ROCK1: variants seen among roughly 807,000 people sequenced by gnomAD.
The protein encoded by ROCK1 is rho-associated protein kinase 1.
ROCK1 carries 36 observed loss-of-function variants against 196.8 expected under a neutral mutation model. That is an observed-to-expected ratio of 0.18 (90% CI 0.14 to 0.24). The LOEUF (loss-of-function observed/expected upper bound fraction) is 0.24. Among genes scored for constraint, ROCK1 ranks in the 10% least tolerant of loss-of-function variants. The pLI, the probability that ROCK1 is intolerant of heterozygous loss-of-function variation, is 1.00. For missense variants in ROCK1, 920 were observed against 1,562.0 expected (o/e 0.59, Z 6.93); for synonymous variants, 443 against 515.9 (o/e 0.86, Z 1.91).
chr18:20,979,147 T>C (rs1328842299), intron 22 of ROCK1, among the ~76,000 whole-genome samples: 1 of 152,152 alleles, frequency 6.6e-6, no homozygotes. Context: ...CAGGCTGGTC[T>C]TGAACTCTTG....
intron 9 of ROCK1, among the ~76,000 whole-genome samples, chr18:21,038,004 T>A (rs2036071966): frequency 6.6e-6 from 1 of 152,166 alleles, no homozygotes; most frequent in Non-Finnish European, 1.5e-5. Flanking sequence ...ATTTATGCAT[T>A]GCTTAACTTT....
chr18:21,057,808 G>A (rs1428794752), intron 2 of ROCK1, among the ~76,000 whole-genome samples: 2 of 152,074 alleles, frequency 1.3e-5, no homozygotes, highest in African/African-American at 2.4e-5. Flanking sequence ...GTGACTGACC[G>A]AGACTCTGTA....
rs576693277 is a variant in ROCK1, at chr18:21,096,293, C to T, written c.93+14525G>A. On this transcript the variant is annotated intron_variant, in intron 1 of 32. Coordinates refer to ENST00000399799, the MANE Select transcript of ROCK1 (RefSeq NM_005406.3). ...TGGCTCACTGCAACCTCTGCCCCCC[C>T]GGGTTCAAGCAATTCTCCTGTCTCA... Among the ~76,000 whole-genome samples, 502 of 152,202 alleles carry T rather than the reference C, an allele frequency of 3.3e-3. 1 individual carries two copies. The highest frequency in any genetic ancestry group is 4.6e-3 in the Non-Finnish European group (311 of 68,002).
intron 2 of ROCK1, among the ~76,000 whole-genome samples, chr18:21,059,795 T>A (rs1014700328): frequency 6.6e-6 from 1 of 152,256 alleles, no homozygotes; most frequent in African/African-American, 2.4e-5. Context: ...CAAATGTCCA[T>A]CAGCTGATAA....
chr18:21,095,259 G>A (rs1273490168), intron 1 of ROCK1, among the ~76,000 whole-genome samples: 8 of 151,636 alleles, frequency 5.3e-5, no homozygotes, highest in South Asian at 2.1e-4. Flanking sequence ...CAATGTTAAC[G>A]GGAATGTAAA....
intron 4 of ROCK1, among the ~76,000 whole-genome samples, chr18:21,046,411 AG>A (rs999029064): frequency 4.7e-4 from 71 of 152,210 alleles, no homozygotes; most frequent in African/African-American, 1.7e-3. Context: ...TAATCCATAA[AG>A]TAACAGTGCA....
chr18:20,976,122 G>A (rs1295603178), intron 22 of ROCK1, among the ~76,000 whole-genome samples: 1 of 151,548 alleles, frequency 6.6e-6, no homozygotes, highest in Non-Finnish European at 1.5e-5. Context: ...CTACCTGAGA[G>A]GACCAAATGA....
Position 21,042,726 on chromosome 18 carries a change from G to A in ROCK1, c.676-17C>T, listed in dbSNP as rs200888781. ...CATGCCTTCCTAAAAAGCGCGGCAG[G>A]TCAAATTTTGAATTAGGATATAAAG... On this transcript the variant is annotated splice_polypyrimidine_tract_variant and intron_variant, in intron 6 of 32. Transcript: ENST00000399799. The A allele has an allele frequency of 3.2e-6, 5 of 1,574,940 alleles. No individual in the cohort carries two copies. The Admixed American group carries it at 9.3e-5, about 29-fold the overall frequency.
chr18:21,078,207 T>C (rs1168840670), intron 1 of ROCK1, among the ~76,000 whole-genome samples: 2 of 152,108 alleles, frequency 1.3e-5, no homozygotes, highest in African/African-American at 2.4e-5. Context: ...CGTGCGCCTG[T>C]GGTCCCAACC....
In ROCK1 at chr18:20,954,793, A is replaced by G; in HGVS notation, c.3843T>C (p.Cys1281=). 6.2e-7 allele frequency: 1 copy of G among 1,605,344 alleles called. No homozygotes were observed. Among genetic ancestry groups the G allele is most frequent in the Non-Finnish European group, 8.5e-7 (1 of 1,176,800 alleles). The stretch of plus-strand genomic sequence containing the variant: ...ATTACCATGCCTTACCTTTACATGG[A>G]CAAATTAAGTCCTCTTTCTTATCTA... ...DHLDKKEDLI[C]PCKVSYDVTS... Residue 1281 remains cysteine, a synonymous_variant, in exon 31 of 33, where the codon TGT becomes TGC. Coordinates refer to ENST00000399799, the MANE Select transcript of ROCK1 (RefSeq NM_005406.3).
intron 32 of ROCK1, among the ~76,000 whole-genome samples, chr18:20,952,326 G>A (rs1278406657): frequency 6.6e-6 from 1 of 152,106 alleles, no homozygotes; most frequent in African/African-American, 2.4e-5. Context: ...AGGTTGCAGT[G>A]AGCTGAGATT....
chr18:21,077,829 T>C (rs978499188), intron 1 of ROCK1, among the ~76,000 whole-genome samples: 2 of 152,152 alleles, frequency 1.3e-5, no homozygotes, highest in African/African-American at 4.8e-5. Flanking sequence ...GAGAGGTGGT[T>C]CTCTTTTTGT....
rs2035516059 is a variant in ROCK1 at position 20,979,999 on chromosome 18, A to T, written c.2565T>A (p.Leu855=). 2 of 1,548,576 alleles carry T rather than the reference A, an allele frequency of 1.3e-6. No homozygotes were observed. Among genetic ancestry groups the T allele is most frequent in the Non-Finnish European group, 1.7e-6 (2 of 1,147,346 alleles). Residue 855 remains leucine (L), a synonymous_variant, in exon 22 of 33, where the codon CTT becomes CTA. Transcript: ENST00000399799. The part of the protein sequence containing the change: ...QLEAEQYFST[L]YKTQVKELKE... ...TAAGTTCCTTTACCTGGGTTTTATAAAGTGTCTGCAAAACAAGTGACAAGG... is the reference window on the plus strand; with the variant it reads ...TAAGTTCCTTTACCTGGGTTTTATATAGTGTCTGCAAAACAAGTGACAAGG...
At chr18:21,044,013 C>T in intron 6 of ROCK1, 89 bp downstream of exon 6, 3 of 769,696 alleles carry the variant, frequency 3.9e-6, no homozygotes, top group East Asian at 5.1e-5. Flanking sequence ...TAAATTCTTA[C>T]ACCATTTTCT....
chr18:20,994,790 C>T (rs1353029760), intron 16 of ROCK1, among the ~76,000 whole-genome samples: 5 of 151,778 alleles, frequency 3.3e-5, no homozygotes, highest in African/African-American at 9.7e-5. Flanking sequence ...AAAGAAATGT[C>T]GGAAATAAAC....
intron 2 of ROCK1, among the ~76,000 whole-genome samples, chr18:21,057,883 C>T (rs1346930443): frequency 1.3e-5 from 2 of 152,064 alleles, no homozygotes. Flanking sequence ...GTAAATTTTA[C>T]TTCTAGGAAT....
intron 1 of ROCK1, among the ~76,000 whole-genome samples, chr18:21,079,376 CAACAT>C: frequency 6.6e-6 from 1 of 152,242 alleles, no homozygotes; most frequent in Admixed American, 6.5e-5. Flanking sequence ...AACTTAGCAG[CAACAT>C]AACATCCCTC....
chr18:20,959,809 C>G (rs765583067), intron 29 of ROCK1, 31 bp downstream of exon 29: 3 of 1,187,500 alleles, frequency 2.5e-6, no homozygotes, highest in South Asian at 1.5e-5. Context: ...TAGCTCTCAA[C>G]CCCTTTAAAA....
chr18:21,038,818 A>C (rs1484937537), intron 9 of ROCK1, among the ~76,000 whole-genome samples: 1 of 152,232 alleles, frequency 6.6e-6, no homozygotes, highest in Non-Finnish European at 1.5e-5. Flanking sequence ...ATCCACGAAG[A>C]TGATGAGAAC....
Sources: allele counts gnomAD v4.1 joint callset (sites outside exome capture counted in the v4.1 genomes callset), GRCh38; gene constraint gnomAD v4.1.1; transcripts MANE v1.5; gene names NCBI Gene and HGNC (gene_info 2026-07-23, HGNC 2026-07-21).